DUSP3: variants seen among roughly 807,000 people sequenced by gnomAD.
The protein encoded by DUSP3 is dual specificity protein phosphatase 3.
DUSP3 carries 7 observed loss-of-function variants against 15.5 expected under a neutral mutation model. That is an observed-to-expected ratio of 0.45 (90% CI 0.26 to 0.85). DUSP3 has a LOEUF of 0.85. Ranked by LOEUF, DUSP3 falls within the 40% of genes least tolerant of loss-of-function variation. The pLI, the probability that DUSP3 is intolerant of heterozygous loss-of-function variation, is 0.18. For synonymous variants in DUSP3, 86 were observed against 104.2 expected, an observed-to-expected ratio of 0.83 and a Z score of 1.07; for missense variants, 209 against 251.7, an observed-to-expected ratio of 0.83 and a Z score of 1.15.
chr17:43,774,881 G>C lies in DUSP3; in HGVS notation c.183C>G (p.Asn61Lys). 6.2e-7 allele frequency: 1 copy of C among 1,614,198 alleles called. No individual in the cohort carries two copies. The highest frequency in any genetic ancestry group is 1.1e-5 in the South Asian group (1 of 91,082). Residue 61 changes from asparagine to lysine, a missense_variant, in exon 2 of 3, where the codon AAC (asparagine) becomes AAG (lysine). By Grantham distance (94) the Asn-to-Lys change is moderately conservative (BLOSUM62 0). Transcript: ENST00000226004. ...GCATGAAGGACCTGCCCTCAGCCGC[G>C]TTCAGCACATGGGTGATGCCTAGTT... ...LQKLGITHVL[N>K]AAEGRSFMHV...
At chr17:43,775,859 A>G (rs1254813840) in intron 1 of DUSP3, among the ~76,000 whole-genome samples, 2 of 152,120 alleles carry the variant, frequency 1.3e-5, no homozygotes, top group Non-Finnish European at 2.9e-5. Context: ...CACACCTGTA[A>G]TCCCAGCACT....
intron 2 of DUSP3, among the ~76,000 whole-genome samples, chr17:43,770,641 CAG>C (rs563404742): frequency 6.6e-4 from 100 of 150,766 alleles, no homozygotes; most frequent in African/African-American, 2.4e-3. Flanking sequence ...GCCTGGGTGA[CAG>C]AGCGAGACTC....
Position 43,767,670 on chromosome 17 carries a change from G to C in DUSP3, c.*1939C>G, listed in dbSNP as rs1176514293. The C allele has an allele frequency of 6.6e-6, 1 of 152,206 alleles. No homozygotes were observed. Among genetic ancestry groups the C allele is most frequent in the Non-Finnish European group, 1.5e-5 (1 of 68,046 alleles). 9.4% of individuals were successfully genotyped at this position (152,206 alleles called of 1,614,324 possible). On this transcript the variant is annotated 3_prime_UTR_variant, in exon 3 of 3. Transcript: ENST00000226004. The stretch of plus-strand genomic sequence containing the variant: ...GGCTCAAGTTAGATTAAGTTGGAAG[G>C]CTACCTAGAAGCTGTGCAGTGAGGT...
rs1974268593 is a variant in DUSP3 at position 43,768,491 on chromosome 17, G to C, written c.*1118C>G. The C allele has an allele frequency of 6.6e-6, 1 of 152,178 alleles. No homozygotes were observed. Among genetic ancestry groups the C allele is most frequent in the African/African-American group, 2.4e-5 (1 of 41,410 alleles). 9.4% of individuals were successfully genotyped at this position (152,178 alleles called of 1,614,324 possible). On this transcript the variant is annotated 3_prime_UTR_variant, in exon 3 of 3. Coordinates refer to ENST00000226004, the MANE Select transcript of DUSP3 (RefSeq NM_004090.4). ...ATGTCTGCCTGGCTGAGTCACTTCA[G>C]GGATCCCGTGCTGGCACCAGAGAGC... is the stretch of plus-strand genomic sequence containing the variant.
intron 2 of DUSP3, chr17:43,774,111 TAAAA>T (rs556992898): frequency 5.3e-3 from 345 of 64,598 alleles, no homozygotes; most frequent in South Asian, 0.012. Flanking sequence ...AAACTCCATC[TAAAA>T]AAAAAAAAAA....
rs559615886 is a variant in DUSP3, at chr17:43,766,727, CCCTCAT to C, written c.*2876_*2881del. The C allele has an allele frequency of 2.6e-5, 4 of 152,428 alleles. No individual in the cohort carries two copies. Among genetic ancestry groups the C allele is most frequent in the African/African-American group, 9.6e-5 (4 of 41,484 alleles). The allele number at this position is 152,428 out of a possible 1,614,324, so 9.4% of individuals were successfully genotyped here. On this transcript the variant is annotated 3_prime_UTR_variant, in exon 3 of 3. Transcript: ENST00000226004. The stretch of plus-strand genomic sequence containing the variant: ...ACCTTAGAGGTCTTCTAGATGAGTC[CCCTCAT>C]TTGTAGGTGGTGGTTTCTGGATAAC...
chr17:43,774,779 C>T lies in DUSP3; in HGVS notation c.285G>A (p.Glu95=). 2 of 1,614,206 alleles carry T rather than the reference C, an allele frequency of 1.2e-6. No homozygotes were observed. Among genetic ancestry groups the T allele is most frequent in the Non-Finnish European group, 1.7e-6 (2 of 1,180,036 alleles). Reference sequence around the variant, plus strand: ...TTTCAAAGTAAGCGCTGAGGTTGAACTCCTGTGTGTCGTTGGCCTTGATGC... The same window carrying T: ...TTTCAAAGTAAGCGCTGAGGTTGAATTCCTGTGTGTCGTTGGCCTTGATGC... ...YLGIKANDTQ[E]FNLSAYFERA... is the part of the protein sequence containing the mutation. Residue 95 remains glutamate, a synonymous_variant, in exon 2 of 3, where the codon GAG becomes GAA. Coordinates refer to ENST00000226004, the MANE Select transcript of DUSP3 (RefSeq NM_004090.4).
intron 2 of DUSP3, among the ~76,000 whole-genome samples, 175 bp downstream of exon 2, chr17:43,774,537 C>T (rs73987085): frequency 0.012 from 1,785 of 152,272 alleles, 32 homozygotes; most frequent in African/African-American, 0.04. Context: ...CTGTGACACA[C>T]GGGGCCACTT....
At position 43,766,370 on chromosome 17, in the gene DUSP3, G is replaced by A. The variant is rs941519260; in HGVS notation, c.*3239C>T. 6.6e-6 allele frequency: 1 copy of A among 152,140 alleles called. No individual in the cohort carries two copies. Among genetic ancestry groups the A allele is most frequent in the African/African-American group, 2.4e-5 (1 of 41,414 alleles). 9.4% of individuals were successfully genotyped at this position (152,140 alleles called of 1,614,324 possible). A position where few individuals can be genotyped will look rare whatever the true frequency, so the allele number is the denominator to read the frequency against. On this transcript the variant is annotated 3_prime_UTR_variant, in exon 3 of 3. Transcript: ENST00000226004. The stretch of plus-strand genomic sequence containing the variant: ...CGGAAATGTCTTCTATTTCCAATCA[G>A]GATAAAACCTTGACTTACTTGCAAG...
chr17:43,774,508 T>C (rs778496090), intron 2 of DUSP3, among the ~76,000 whole-genome samples: 21 of 152,104 alleles, frequency 1.4e-4, no homozygotes, highest in Non-Finnish European at 2.9e-4. Context: ...GCTGCCATGG[T>C]GTGAATGAGT....
chr17:43,778,977 C>A lies in DUSP3; in HGVS notation c.-53G>T, dbSNP rs1974430257. 3.9e-6 allele frequency: 5 copies of A among 1,293,060 alleles called. No homozygotes were observed. The Admixed American group carries it at 1.0e-4, about 27-fold the overall frequency. 80.1% of individuals were successfully genotyped at this position (1,293,060 alleles called of 1,614,324 possible). On this transcript the variant is annotated 5_prime_UTR_variant, in exon 1 of 3. Transcript: ENST00000226004. ...CAGGAGCAAGCGAGGCGGAGAGCGG[C>A]GGATCAGCTGGGCGGGGGCTCGCGC...
At chr17:43,774,676 C>G (rs1974365118) in intron 2 of DUSP3, 36 bp downstream of exon 2, 1 of 1,607,376 alleles carries the variant, frequency 6.2e-7, no homozygotes. Context: ...CCAGTCAGAG[C>G]TGCCTCCCAT....
chr17:43,772,465 C>A (rs532430731), intron 2 of DUSP3, among the ~76,000 whole-genome samples: 2 of 152,262 alleles, frequency 1.3e-5, no homozygotes, highest in Non-Finnish European at 2.9e-5. Flanking sequence ...CTAGGCTCAG[C>A]CCAGATGCCA....
chr17:43,772,345 T>G (rs1380387098), intron 2 of DUSP3, among the ~76,000 whole-genome samples: 1 of 152,174 alleles, frequency 6.6e-6, no homozygotes, highest in Non-Finnish European at 1.5e-5. Flanking sequence ...TGCCCCACCC[T>G]AGGAATGAGA....
chr17:43,778,471 A>C (rs1327365613), intron 1 of DUSP3: 2 of 201,964 alleles, frequency 9.9e-6, no homozygotes, highest in Non-Finnish European at 2.0e-5. Flanking sequence ...ACCGAGGGTC[A>C]CCTGTTAAGT....
chr17:43,778,618 T>C (rs1209901909), intron 1 of DUSP3, among the ~76,000 whole-genome samples, 182 bp downstream of exon 1: 1 of 151,952 alleles, frequency 6.6e-6, no homozygotes, highest in Non-Finnish European at 1.5e-5. Context: ...TCCAGTTCCT[T>C]GGCCCCACGC....
rs761171022 is a variant in DUSP3, at chr17:43,778,949, C to G, written c.-25G>C. 1 of 1,400,104 alleles carries G rather than the reference C, an allele frequency of 7.1e-7. No individual in the cohort carries two copies. The highest frequency in any genetic ancestry group is 9.4e-7 in the Non-Finnish European group (1 of 1,069,452). 86.7% of individuals were successfully genotyped at this position (1,400,104 alleles called of 1,614,324 possible). On this transcript the variant is annotated 5_prime_UTR_variant, in exon 1 of 3. Coordinates refer to ENST00000226004, the MANE Select transcript of DUSP3 (RefSeq NM_004090.4). ...TGGCGGCGGCGGGGCCCTGCACGCC[C>G]GGCAGGAGCAAGCGAGGCGGAGAGC...
At chr17:43,778,590 C>T (rs542783754) in intron 1 of DUSP3, among the ~76,000 whole-genome samples, 1 of 152,240 alleles carries the variant, frequency 6.6e-6, no homozygotes, top group East Asian at 1.9e-4. Context: ...GGAAGGGCCG[C>T]GCCCGGCCAG....
intron 1 of DUSP3, among the ~76,000 whole-genome samples, chr17:43,777,279 AC>A (rs1974401006): frequency 6.6e-6 from 1 of 152,092 alleles, no homozygotes; most frequent in African/African-American, 2.4e-5. Context: ...GGCCTCTAAT[AC>A]TATTAATAAT....
Sources: allele counts gnomAD v4.1 joint callset (sites outside exome capture counted in the v4.1 genomes callset), GRCh38; gene constraint gnomAD v4.1.1; transcripts MANE v1.5; gene names NCBI Gene and HGNC (gene_info 2026-07-23, HGNC 2026-07-21).